DYSF: variants seen among roughly 807,000 people sequenced by gnomAD.
DYSF encodes dystrophy-associated fer-1-like 1.
In DYSF, 212 loss-of-function variants were observed where a neutral mutation model predicts 274.9. The ratio of observed to expected loss-of-function variants is 0.77; its 90% confidence interval spans 0.69 to 0.86. The LOEUF (loss-of-function observed/expected upper bound fraction) is 0.86, where lower values mean the gene tolerates loss of function less well. Ranked by LOEUF, DYSF falls within the 40% of genes least tolerant of loss-of-function variation. The pLI, the probability that DYSF is intolerant of heterozygous loss-of-function variation, is 0.00. For missense variants in DYSF, 2,666 were observed against 2,783.2 expected, an observed-to-expected ratio of 0.96 and a Z score of 0.95; for synonymous variants, 1,091 against 1,078.7, an observed-to-expected ratio of 1.01 and a Z score of -0.22.
chr2:71,658,688 ACTT>A (rs978651854), intron 43 of DYSF, among the ~76,000 whole-genome samples, 187 bp from the exon 44 acceptor site: 3 of 152,202 alleles, frequency 2.0e-5, no homozygotes, highest in African/African-American at 7.2e-5. Flanking sequence ...ATCTCATGAT[ACTT>A]ATTTACTATC....
intron 47 of DYSF, among the ~76,000 whole-genome samples, chr2:71,666,045 C>T (rs563239257): frequency 2.0e-5 from 3 of 151,810 alleles, no homozygotes; most frequent in East Asian, 3.9e-4. Flanking sequence ...TCCCCCACCC[C>T]CTCCTCCTTC....
intron 22 of DYSF, 57 bp downstream of exon 22, chr2:71,556,128 T>A: frequency 7.1e-7 from 1 of 1,411,444 alleles, no homozygotes; most frequent in Non-Finnish European, 9.8e-7. Flanking sequence ...TGGGCCTGTT[T>A]CGCTGGGAGT....
chr2:71,461,205 A>C (rs2081272609), intron 1 of DYSF, among the ~76,000 whole-genome samples: 1 of 152,200 alleles, frequency 6.6e-6, no homozygotes, highest in Non-Finnish European at 1.5e-5. Flanking sequence ...GAAACGGGTG[A>C]TTACGCTAAT....
At chr2:71,551,442 C>T (rs371337140) in intron 18 of DYSF, among the ~76,000 whole-genome samples, 165 bp from the exon 19 acceptor site, 3 of 152,212 alleles carry the variant, frequency 2.0e-5, no homozygotes, top group Non-Finnish European at 4.4e-5. Flanking sequence ...TCATATCCCC[C>T]GAACTCTCTG....
At chr2:71,568,645 C>T (rs552773804) in intron 26 of DYSF, among the ~76,000 whole-genome samples, 1 of 151,894 alleles carries the variant, frequency 6.6e-6, no homozygotes, top group African/African-American at 2.4e-5. Context: ...ATTGCAGCCT[C>T]AACCTCCTGG....
In DYSF at chr2:71,520,744, G is replaced by A. The variant is rs751032532; in HGVS notation, c.1034-45G>A. 4.4e-6 allele frequency: 7 copies of A among 1,576,014 alleles called. No individual in the cohort carries two copies. The South Asian group carries it at 7.8e-5, about 17-fold the overall frequency. ...GGTTCCCGGATGTGGCCACAGCCTG[G>A]GGTCTTCTGATTCTGGGATCACCAG... On this transcript the variant is annotated intron_variant, in intron 11 of 55. Coordinates refer to ENST00000410020, the MANE Select transcript of DYSF (RefSeq NM_001130987.2).
Position 71,686,537 on chromosome 2 carries a change from A to G in DYSF, c.*45A>G, listed in dbSNP as rs748819486. 2.8e-5 allele frequency: 45 copies of G among 1,611,918 alleles called. No homozygotes were observed. In the Admixed American group the frequency reaches 4.8e-4, roughly 17 times the overall value. On this transcript the variant is annotated 3_prime_UTR_variant, in exon 56 of 56. Coordinates refer to ENST00000410020, the MANE Select transcript of DYSF (RefSeq NM_001130987.2). ...AAGGGGCCGTGGGGTCCCCTCCAGC[A>G]TGGGACTGGCCTGCCTCCTCCGCCC...
intron 36 of DYSF, among the ~76,000 whole-genome samples, chr2:71,605,751 C>T (rs1445913226): frequency 1.3e-5 from 2 of 152,084 alleles, no homozygotes; most frequent in African/African-American, 4.8e-5. Context: ...CCTGTACCCC[C>T]AAGTCCACTG....
chr2:71,673,503 G>A (rs1184329140), intron 51 of DYSF, among the ~76,000 whole-genome samples: 1 of 152,164 alleles, frequency 6.6e-6, no homozygotes, highest in Non-Finnish European at 1.5e-5. Context: ...AGTTGGGTGG[G>A]GTGGAGAGGG....
intron 13 of DYSF, 40 bp from the exon 14 acceptor site, chr2:71,528,258 G>A: frequency 6.4e-7 from 1 of 1,566,046 alleles, no homozygotes; most frequent in Non-Finnish European, 8.8e-7. Flanking sequence ...TTAGAGGAGA[G>A]ACAGCAGGCA....
At chr2:71,510,168 C>T (rs893364380) in intron 4 of DYSF, among the ~76,000 whole-genome samples, 1 of 152,220 alleles carries the variant, frequency 6.6e-6, no homozygotes, top group African/African-American at 2.4e-5. Context: ...ATCTTCCCTG[C>T]CCTAGCCCTG....
intron 40 of DYSF, among the ~76,000 whole-genome samples, chr2:71,613,815 AG>A (rs2093823485): frequency 6.6e-6 from 1 of 152,062 alleles, no homozygotes; most frequent in African/African-American, 2.4e-5. Context: ...GCCCCTTCTT[AG>A]GGGGAAGGTT....
At position 71,622,130 on chromosome 2, in the gene DYSF, G is replaced by GTTTTTTTTTTTTTTTTT. The variant is rs74263952; in HGVS notation, c.4527+1537_4527+1538insTTTTTTTTTTTTTTTTT. On this transcript the variant is annotated intron_variant, in intron 41 of 55. Coordinates refer to ENST00000410020, the MANE Select transcript of DYSF (RefSeq NM_001130987.2). ...ATATGTCCATTCAGATGATTTCTTT[G>GTTTTTTTTTTTTTTTTT]TTTTTTTTTTTTTTTTGTTACGCCC... Among the ~76,000 whole-genome samples, 433 of 96,962 alleles carry GTTTTTTTTTTTTTTTTT rather than the reference G, an allele frequency of 4.5e-3. 30 individuals carry two copies. The highest frequency in any genetic ancestry group is 7.6e-3 in the Middle Eastern group (1 of 132). The allele number at this position is 96,962 out of a possible 152,430, so 63.6% of individuals were successfully genotyped here.
At chr2:71,611,679 T>G in intron 38 of DYSF, 53 bp downstream of exon 38, 1 of 1,594,280 alleles carries the variant, frequency 6.3e-7, no homozygotes, top group East Asian at 2.3e-5. Flanking sequence ...CTAGAAGTTC[T>G]ACATGTCCCC....
At chr2:71,627,199 A>G (rs1452513038) in intron 41 of DYSF, among the ~76,000 whole-genome samples, 1 of 151,184 alleles carries the variant, frequency 6.6e-6, no homozygotes, top group African/African-American at 2.4e-5. Context: ...AGTTTATTAT[A>G]TTTTAACCTC....
chr2:71,497,313 T>C (rs1285851949), intron 3 of DYSF, among the ~76,000 whole-genome samples: 2 of 152,330 alleles, frequency 1.3e-5, no homozygotes, highest in Non-Finnish European at 2.9e-5. Flanking sequence ...TTTGGCTGTG[T>C]CCCCACCCAA....
At chr2:71,591,782 G>A (rs761202842) in intron 32 of DYSF, among the ~76,000 whole-genome samples, 29 of 152,204 alleles carry the variant, frequency 1.9e-4, no homozygotes, top group Non-Finnish European at 3.5e-4. Flanking sequence ...TCTCCTCCGC[G>A]ATGTGGGGTC....
intron 22 of DYSF, among the ~76,000 whole-genome samples, chr2:71,559,619 C>T (rs1374001172): frequency 1.3e-5 from 2 of 152,202 alleles, no homozygotes; most frequent in Admixed American, 6.5e-5. Context: ...CCTACAGGCT[C>T]CCCCTTGCCT....
rs200787666 is a variant in DYSF, at chr2:71,669,558, G to A, written c.5643-47G>A. 53 of 1,612,814 alleles carry A rather than the reference G, an allele frequency of 3.3e-5. 1 individual carries two copies. The South Asian group carries it at 4.9e-4, about 15-fold the overall frequency. ...CCTAAGTTGACGATGTATATACTGT[G>A]TTGGAAATCTTAATGAGAACTATTC... On this transcript the variant is annotated intron_variant, in intron 50 of 55. Transcript: ENST00000410020.
Sources: gnomAD v4.1 joint callset for allele counts (sites outside exome capture counted in the v4.1 genomes callset) on GRCh38, gnomAD v4.1.1 for gene constraint, MANE v1.5 for transcripts, NCBI Gene and HGNC (gene_info 2026-07-23, HGNC 2026-07-21) for gene names.